GABRB1: variants seen among roughly 807,000 people sequenced by gnomAD.
The protein encoded by GABRB1 is gamma-aminobutyric acid type A receptor subunit beta1.
In GABRB1, 17 loss-of-function variants were observed where a neutral mutation model predicts 51.6. That is an observed-to-expected ratio of 0.33 (90% confidence interval 0.23 to 0.49). The LOEUF is 0.49. Ranked by LOEUF, GABRB1 falls within the 20% of genes least tolerant of loss-of-function variation. GABRB1 has a pLI of 0.99. For missense variants in GABRB1, 410 were observed against 600.6 expected, an observed-to-expected ratio of 0.68 and a Z score of 3.32; for synonymous variants, 247 against 218.9, an observed-to-expected ratio of 1.13 and a Z score of -1.14.
At chr4:47,322,476 G>A (rs1156233887) in intron 5 of GABRB1, among the ~76,000 whole-genome samples, 1 of 152,146 alleles carries the variant, frequency 6.6e-6, no homozygotes, top group Non-Finnish European at 1.5e-5. Flanking sequence ...GACTAAAGCT[G>A]GGTATTATAT....
chr4:47,119,985 G>A (rs988756764), intron 3 of GABRB1, among the ~76,000 whole-genome samples: 6 of 151,988 alleles, frequency 3.9e-5, no homozygotes, highest in Middle Eastern at 3.4e-3. Flanking sequence ...TCAAAACAAT[G>A]CAACATTATT....
At chr4:47,097,069 G>A (rs1714476923) in intron 3 of GABRB1, among the ~76,000 whole-genome samples, 1 of 152,112 alleles carries the variant, frequency 6.6e-6, no homozygotes, top group Non-Finnish European at 1.5e-5. Flanking sequence ...TCTCAAAATA[G>A]CATCCAGAGT....
intron 4 of GABRB1, among the ~76,000 whole-genome samples, chr4:47,311,051 A>C (rs1328509945): frequency 9.5e-6 from 1 of 105,054 alleles, no homozygotes; most frequent in Non-Finnish European, 1.8e-5. Context: ...ACAGAGAGCA[A>C]CTCTGTCTCA....
chr4:47,293,863 T>C (rs1723855460), intron 4 of GABRB1, among the ~76,000 whole-genome samples: 1 of 152,194 alleles, frequency 6.6e-6, no homozygotes, highest in South Asian at 2.1e-4. Context: ...GGGAGTGTAA[T>C]ATTGAAAATT....
intron 3 of GABRB1, among the ~76,000 whole-genome samples, chr4:47,078,414 A>G (rs1727669275): frequency 6.6e-6 from 1 of 152,128 alleles, no homozygotes; most frequent in Admixed American, 6.6e-5. Flanking sequence ...CTTTCCATCC[A>G]AAATGTCACC....
At chr4:47,050,740 C>T (rs1369969795) in intron 3 of GABRB1, among the ~76,000 whole-genome samples, 5 of 152,186 alleles carry the variant, frequency 3.3e-5, no homozygotes, top group Admixed American at 3.3e-4. Context: ...CCTGATTCCT[C>T]ACAGTCTCTT....
chr4:47,317,558 T>C (rs1337711624), intron 4 of GABRB1, among the ~76,000 whole-genome samples: 1 of 151,966 alleles, frequency 6.6e-6, no homozygotes, highest in South Asian at 2.1e-4. Flanking sequence ...CATAGTGTTT[T>C]GTAAAACATT....
At chr4:47,389,429 G>C (rs1488325355) in intron 5 of GABRB1, among the ~76,000 whole-genome samples, 2 of 152,152 alleles carry the variant, frequency 1.3e-5, no homozygotes, top group Non-Finnish European at 2.9e-5. Flanking sequence ...ATGGACCGTT[G>C]AAAATGTTCT....
intron 5 of GABRB1, among the ~76,000 whole-genome samples, chr4:47,372,237 C>T (rs554335632): frequency 6.6e-5 from 10 of 152,164 alleles, no homozygotes; most frequent in South Asian, 2.1e-4. Flanking sequence ...GTCGAAGATC[C>T]GATAGTTGTA....
intron 5 of GABRB1, among the ~76,000 whole-genome samples, chr4:47,349,213 A>G (rs148934966): frequency 6.6e-6 from 1 of 152,312 alleles, no homozygotes; most frequent in African/African-American, 2.4e-5. Context: ...AATTATAGCT[A>G]TCAGCATGGG....
chr4:47,054,517 A>G (rs767638166), intron 3 of GABRB1, among the ~76,000 whole-genome samples: 2 of 152,084 alleles, frequency 1.3e-5, no homozygotes, highest in Non-Finnish European at 2.9e-5. Context: ...CCTGCCTGAT[A>G]TTTTTGAGGT....
rs577482886 is a variant in GABRB1 at position 47,376,505 on chromosome 4, G to T, written c.545-26813G>T. Among the ~76,000 whole-genome samples, 469 of 152,246 alleles carry T rather than the reference G, an allele frequency of 3.1e-3. 1 individual carries two copies. The highest frequency in any genetic ancestry group is 1.0e-2 in the African/African-American group (415 of 41,538). ...ACTAAAAATACAAAAAAATTAGCCG[G>T]GCCTAGTGGCGGCCGCCTGTAGTCC... is the stretch of plus-strand genomic sequence containing the variant. On this transcript the variant is annotated intron_variant, in intron 5 of 8. Transcript: ENST00000295454.
chr4:47,152,224 T>C (rs550325945), intron 3 of GABRB1, among the ~76,000 whole-genome samples: 1 of 152,124 alleles, frequency 6.6e-6, no homozygotes, highest in South Asian at 2.1e-4. Context: ...ATTTGGAATG[T>C]AATAAGATGA....
intron 3 of GABRB1, among the ~76,000 whole-genome samples, chr4:47,095,536 T>C (rs1714378840): frequency 6.6e-6 from 1 of 152,232 alleles, no homozygotes; most frequent in Non-Finnish European, 1.5e-5. Flanking sequence ...CTACCATTTG[T>C]ACCTACAGCC....
At chr4:47,155,574 A>G (rs1490892841) in intron 3 of GABRB1, among the ~76,000 whole-genome samples, 1 of 151,888 alleles carries the variant, frequency 6.6e-6, no homozygotes, top group Non-Finnish European at 1.5e-5. Flanking sequence ...CGTGCAGACT[A>G]TGGGGGCAGT....
chr4:47,407,041 C>T (rs1234434654), intron 8 of GABRB1, 115 bp downstream of exon 8: 1 of 1,022,654 alleles, frequency 9.8e-7, no homozygotes, highest in African/African-American at 1.6e-5. Flanking sequence ...TTTAATAAGA[C>T]TCAACCAAGC....
chr4:47,275,197 C>G (rs1276053951), intron 4 of GABRB1, among the ~76,000 whole-genome samples: 1 of 152,118 alleles, frequency 6.6e-6, no homozygotes, highest in East Asian at 1.9e-4. Flanking sequence ...TCAAGTTAGC[C>G]TTGATAAGAA....
intron 3 of GABRB1, among the ~76,000 whole-genome samples, chr4:47,070,953 C>T (rs1296078227): frequency 6.6e-6 from 1 of 152,154 alleles, no homozygotes; most frequent in Non-Finnish European, 1.5e-5. Flanking sequence ...GTCTAATACG[C>T]ATCTCAAATT....
intron 4 of GABRB1, among the ~76,000 whole-genome samples, chr4:47,186,909 A>G (rs1719204566): frequency 6.6e-6 from 1 of 151,908 alleles, no homozygotes; most frequent in Admixed American, 6.6e-5. Flanking sequence ...ACACTGTGAA[A>G]AACAGTTTGC....
Sources: gnomAD v4.1 joint callset for allele counts (sites outside exome capture counted in the v4.1 genomes callset) on GRCh38, gnomAD v4.1.1 for gene constraint, MANE v1.5 for transcripts, NCBI Gene and HGNC (gene_info 2026-07-23, HGNC 2026-07-21) for gene names.